MCC: variants seen among roughly 807,000 people sequenced by gnomAD.
The protein encoded by MCC is colorectal mutant cancer protein.
A neutral mutation model predicts 116.2 loss-of-function variants in MCC; 90 were observed. That is an observed-to-expected ratio of 0.77 (90% confidence interval 0.65 to 0.92). The LOEUF is 0.92. Ranked by LOEUF, MCC falls within the 40% of genes least tolerant of loss-of-function variation. The pLI, the probability that MCC is intolerant of heterozygous loss-of-function variation, is 0.00. For synonymous variants in MCC, 578 were observed against 510.5 expected (o/e 1.13, Z -1.78); for missense variants, 1,516 against 1,312.2 (o/e 1.16, Z -2.40).
intron 17 of MCC, among the ~76,000 whole-genome samples, chr5:113,036,203 C>A (rs1751323397): frequency 6.6e-6 from 1 of 151,748 alleles, no homozygotes; most frequent in South Asian, 2.1e-4. Context: ...ATGCCCAGCT[C>A]ATTTTTGTAT....
chr5:113,258,891 T>G (rs1424594364), intron 3 of MCC, among the ~76,000 whole-genome samples: 1 of 152,224 alleles, frequency 6.6e-6, no homozygotes, highest in Non-Finnish European at 1.5e-5. Flanking sequence ...GCTAATTAAA[T>G]CTTTTAAAGT....
chr5:113,032,408 CAAAAAA>C (rs376957827), intron 17 of MCC, among the ~76,000 whole-genome samples: 3 of 63,342 alleles, frequency 4.7e-5, no homozygotes, highest in African/African-American at 1.5e-4. Context: ...AACTCTGTAT[CAAAAAA>C]AAAAAAAAAA....
intron 3 of MCC, among the ~76,000 whole-genome samples, chr5:113,173,233 A>G (rs1761163946): frequency 6.6e-6 from 1 of 152,276 alleles, no homozygotes; most frequent in African/African-American, 2.4e-5. Flanking sequence ...CTCAGATTCC[A>G]TAGCTACCAA....
chr5:113,409,097 CA>C (rs1283953473), intron 1 of MCC, among the ~76,000 whole-genome samples: 1 of 152,112 alleles, frequency 6.6e-6, no homozygotes, highest in Non-Finnish European at 1.5e-5. Context: ...ATAGAAGGAC[CA>C]GGGGCCCTGA....
chr5:113,143,430 T>C, intron 4 of MCC, 70 bp from the exon 5 acceptor site: 3 of 1,565,922 alleles, frequency 1.9e-6, no homozygotes, highest in Non-Finnish European at 2.6e-6. Context: ...TTCCAAGCTT[T>C]GTGGCCTTAA....
intron 17 of MCC, among the ~76,000 whole-genome samples, chr5:113,042,648 A>T (rs1050913942): frequency 2.6e-5 from 4 of 151,918 alleles, no homozygotes; most frequent in African/African-American, 7.3e-5. Flanking sequence ...TTAGCCAAAA[A>T]ATCTGTCTCT....
At chr5:113,106,688 A>C (rs10043009) in intron 6 of MCC, among the ~76,000 whole-genome samples, 2 of 151,548 alleles carry the variant, frequency 1.3e-5, no homozygotes, top group African/African-American at 4.9e-5. Flanking sequence ...GCCTCCCAAG[A>C]TGCTGGGACT....
intron 4 of MCC, among the ~76,000 whole-genome samples, chr5:113,143,626 A>G (rs557894281): frequency 6.6e-6 from 1 of 152,284 alleles, no homozygotes; most frequent in South Asian, 2.1e-4. Flanking sequence ...ACACTGTCCA[A>G]GTGGGGCTAT....
intron 11 of MCC, among the ~76,000 whole-genome samples, chr5:113,077,970 G>T (rs898676525): frequency 2.6e-5 from 4 of 152,038 alleles, no homozygotes; most frequent in Admixed American, 6.5e-5. Context: ...TAATAAAGGG[G>T]ATATCACCAC....
At chr5:113,265,372 C>T (rs928146778) in intron 3 of MCC, among the ~76,000 whole-genome samples, 12 of 152,216 alleles carry the variant, frequency 7.9e-5, no homozygotes, top group South Asian at 4.1e-4. Context: ...AAGGCTATGA[C>T]GTCACAGAAT....
intron 1 of MCC, among the ~76,000 whole-genome samples, chr5:113,477,291 A>T (rs988530594): frequency 6.6e-6 from 1 of 152,220 alleles, no homozygotes; most frequent in African/African-American, 2.4e-5. Context: ...GTTATTTTTT[A>T]AATTATATAT....
At chr5:113,080,619 C>T (rs977447216) in intron 11 of MCC, among the ~76,000 whole-genome samples, 3 of 152,122 alleles carry the variant, frequency 2.0e-5, no homozygotes, top group African/African-American at 7.2e-5. Flanking sequence ...CACCTGGACA[C>T]ACGGTGTGGA....
At chr5:113,485,484 A>G (rs1393334704) in intron 1 of MCC, among the ~76,000 whole-genome samples, 2 of 152,214 alleles carry the variant, frequency 1.3e-5, no homozygotes, top group Non-Finnish European at 2.9e-5. Context: ...AGTTTGACCA[A>G]TAAGATGTCA....
At chr5:113,097,351 A>T (rs1285552116) in intron 8 of MCC, among the ~76,000 whole-genome samples, 1 of 152,244 alleles carries the variant, frequency 6.6e-6, no homozygotes, top group Non-Finnish European at 1.5e-5. Context: ...AAAATTATAC[A>T]ATGATATGAA....
intron 3 of MCC, among the ~76,000 whole-genome samples, chr5:113,191,083 A>G (rs1762129577): frequency 6.6e-6 from 1 of 152,212 alleles, no homozygotes; most frequent in Non-Finnish European, 1.5e-5. Flanking sequence ...CATCAAATCC[A>G]AAAACGATAA....
intron 3 of MCC, among the ~76,000 whole-genome samples, chr5:113,207,869 G>A (rs879224829): frequency 1.3e-5 from 2 of 152,140 alleles, no homozygotes; most frequent in Admixed American, 1.3e-4. Flanking sequence ...TGGAGGCCAC[G>A]TTAAAGTGGT....
At position 113,045,521 on chromosome 5, in the gene MCC, C is replaced by G. The variant is rs141305961; in HGVS notation, c.2656-1891G>C. Among the ~76,000 whole-genome samples, 541 of 152,210 alleles carry G rather than the reference C, an allele frequency of 3.6e-3. 4 individuals are homozygous for G. Among genetic ancestry groups the G allele is most frequent in the African/African-American group, 0.012 (513 of 41,532 alleles). ...CCATACATAAAGTATTACTAGAGGCCAGGCACAGTGGCTCACGCCTGTAAT... is the reference window on the plus strand; with the variant it reads ...CCATACATAAAGTATTACTAGAGGCGAGGCACAGTGGCTCACGCCTGTAAT... On this transcript the variant is annotated intron_variant, in intron 16 of 18. Transcript: ENST00000408903.
intron 3 of MCC, among the ~76,000 whole-genome samples, chr5:113,312,288 C>T (rs1767154561): frequency 6.6e-6 from 1 of 151,324 alleles, no homozygotes. Flanking sequence ...AAAAAAAAAA[C>T]CTATAAAACT....
intron 3 of MCC, among the ~76,000 whole-genome samples, chr5:113,184,788 G>A (rs1334690491): frequency 1.3e-5 from 2 of 152,140 alleles, no homozygotes; most frequent in African/African-American, 4.8e-5. Context: ...GTCCACTGAT[G>A]GAGGTATGTT....
Sources: allele counts gnomAD v4.1 joint callset (sites outside exome capture counted in the v4.1 genomes callset), GRCh38; gene constraint gnomAD v4.1.1; transcripts MANE v1.5; gene names NCBI Gene and HGNC (gene_info 2026-07-23, HGNC 2026-07-21).